Variants in INSYN2A observed in about 807,000 individuals in gnomAD.
The protein encoded by INSYN2A is family with sequence similarity 196 member A.
A neutral mutation model predicts 39.4 loss-of-function variants in INSYN2A; 17 were observed. The ratio of observed to expected loss-of-function variants is 0.43; its 90% CI spans 0.30 to 0.65. The LOEUF (loss-of-function observed/expected upper bound fraction) is 0.65. INSYN2A is among the 30% of genes least tolerant of loss of function. The probability of loss-of-function intolerance (pLI) is 0.14; values close to 1 mark genes in which losing one functional copy is unlikely to be tolerated. For synonymous variants in INSYN2A, 255 were observed against 265.7 expected (o/e 0.96, Z 0.39); for missense variants, 595 against 631.2 (o/e 0.94, Z 0.61).
chr10:127,173,747 C>G (rs554917099), intron 4 of INSYN2A, among the ~76,000 whole-genome samples: 1 of 152,270 alleles, frequency 6.6e-6, no homozygotes, highest in African/African-American at 2.4e-5. Context: ...TCCCCCACCC[C>G]ACGCCTGATG....
intron 1 of INSYN2A, among the ~76,000 whole-genome samples, chr10:127,195,157 C>T (rs2057020154): frequency 6.6e-6 from 1 of 152,196 alleles, no homozygotes; most frequent in Non-Finnish European, 1.5e-5. Flanking sequence ...TTTATCCAAG[C>T]AGTGGGGACA....
chr10:127,195,466 A>C (rs1462018990), intron 1 of INSYN2A, among the ~76,000 whole-genome samples: 1 of 151,690 alleles, frequency 6.6e-6, no homozygotes, highest in South Asian at 2.1e-4. Context: ...ATCTGCCTTC[A>C]CTGCTGCTCG....
chr10:127,153,794 G>C, intron 5 of INSYN2A, 58 bp downstream of exon 5: 1 of 1,343,268 alleles, frequency 7.4e-7, no homozygotes, highest in East Asian at 2.3e-5. Context: ...TGCATTTGTG[G>C]GTAAACATCA....
rs900832440 is a variant in INSYN2A, at chr10:127,137,168, G to A, written c.*669C>T. ...CTGCTGGCCATTTGGAAAATGAGCAGTAAACATGTCGTAAGTCTGGAGATG... is the reference window on the plus strand; with the variant it reads ...CTGCTGGCCATTTGGAAAATGAGCAATAAACATGTCGTAAGTCTGGAGATG... On this transcript the variant is annotated 3_prime_UTR_variant, in exon 6 of 6. Transcript: ENST00000522781. 6.5e-6 allele frequency: 1 copy of A among 152,682 alleles called. No individual in the cohort carries two copies. Among genetic ancestry groups the A allele is most frequent in the African/African-American group, 2.4e-5 (1 of 41,460 alleles). 9.5% of individuals were successfully genotyped at this position (152,682 alleles called of 1,614,324 possible). A position where few individuals can be genotyped will look rare whatever the true frequency, so the allele number is the denominator to read the frequency against.
intron 4 of INSYN2A, among the ~76,000 whole-genome samples, chr10:127,162,766 TC>T (rs2053699707): frequency 1.3e-5 from 2 of 152,202 alleles, no homozygotes; most frequent in African/African-American, 4.8e-5. Flanking sequence ...CGAGCCGGCC[TC>T]CCCAGGCCTG....
At position 127,137,694 on chromosome 10, in the gene INSYN2A, G is replaced by A; in HGVS notation, c.*143C>T. ...TCTGTTAATTATCTATTGGTACAAA[G>A]GCCTTTTTGGTACGCAGGGCGAGAA... On this transcript the variant is annotated 3_prime_UTR_variant, in exon 6 of 6. Coordinates refer to ENST00000522781, the MANE Select transcript of INSYN2A (RefSeq NM_001039762.3). 1 of 681,828 alleles carries A rather than the reference G, an allele frequency of 1.5e-6. No individual in the cohort carries two copies. The highest frequency in any genetic ancestry group is 2.4e-6 in the Non-Finnish European group (1 of 408,850). The allele number at this position is 681,828 out of a possible 1,614,324, so 42.2% of individuals were successfully genotyped here.
chr10:127,150,473 T>G (rs1318030457), intron 5 of INSYN2A, among the ~76,000 whole-genome samples: 1 of 152,188 alleles, frequency 6.6e-6, no homozygotes, highest in Non-Finnish European at 1.5e-5. Flanking sequence ...TTAGCTGATG[T>G]GCTAGATTAA....
chr10:127,170,340 C>T (rs1019140211), intron 4 of INSYN2A, among the ~76,000 whole-genome samples: 7 of 152,200 alleles, frequency 4.6e-5, no homozygotes, highest in South Asian at 2.1e-4. Flanking sequence ...TGCTCTCTCC[C>T]CCTACCCCAA....
Position 127,196,144 on chromosome 10 carries a change from C to T in INSYN2A, c.-542G>A, listed in dbSNP as rs1466339994. ...CGCCGCGCTCACGCGGAGGAAGCCTCGGCTCCGGGGACTTGGCCCGCTGCG... is the reference window on the plus strand; with the variant it reads ...CGCCGCGCTCACGCGGAGGAAGCCTTGGCTCCGGGGACTTGGCCCGCTGCG... On this transcript the variant is annotated 5_prime_UTR_variant, in exon 1 of 6. Transcript: ENST00000522781. 2 of 151,748 alleles carry T rather than the reference C, an allele frequency of 1.3e-5. No homozygotes were observed. The highest frequency in any genetic ancestry group is 6.6e-5 in the Admixed American group (1 of 15,226). The allele number at this position is 151,748 out of a possible 1,614,324, so 9.4% of individuals were successfully genotyped here.
intron 5 of INSYN2A, among the ~76,000 whole-genome samples, chr10:127,148,108 G>A (rs1471963048): frequency 6.6e-6 from 1 of 151,834 alleles, no homozygotes. Context: ...GTGAAAGCAT[G>A]GAGTACACAG....
At chr10:127,142,941 A>G (rs538857904) in intron 5 of INSYN2A, among the ~76,000 whole-genome samples, 4 of 152,292 alleles carry the variant, frequency 2.6e-5, no homozygotes, top group African/African-American at 9.6e-5. Flanking sequence ...AATCTGCCCT[A>G]CATCTCAGGC....
chr10:127,184,019 A>C (rs979984798), intron 2 of INSYN2A, among the ~76,000 whole-genome samples: 4 of 152,276 alleles, frequency 2.6e-5, no homozygotes, highest in Middle Eastern at 3.4e-3. Flanking sequence ...TTGTGCATGA[A>C]AAACTTGGCA....
At chr10:127,156,512 T>C (rs1224091144) in intron 4 of INSYN2A, among the ~76,000 whole-genome samples, 2 of 151,828 alleles carry the variant, frequency 1.3e-5, no homozygotes, top group African/African-American at 4.8e-5. Flanking sequence ...TTTCTTCTCT[T>C]TTCTTTACTT....
At chr10:127,183,707 G>A (rs938551579) in intron 2 of INSYN2A, among the ~76,000 whole-genome samples, 2 of 152,258 alleles carry the variant, frequency 1.3e-5, no homozygotes, top group Non-Finnish European at 2.9e-5. Flanking sequence ...TGCACAGAGC[G>A]AAATTTTAGC....
chr10:127,145,138 A>G (rs1592209771), intron 5 of INSYN2A, among the ~76,000 whole-genome samples: 1 of 152,098 alleles, frequency 6.6e-6, no homozygotes, highest in South Asian at 2.1e-4. Context: ...TCTGGAGTGC[A>G]CCTGCGGCTC....
chr10:127,186,954 A>G (rs1311264798), intron 2 of INSYN2A, among the ~76,000 whole-genome samples: 3 of 152,176 alleles, frequency 2.0e-5, no homozygotes, highest in Non-Finnish European at 2.9e-5. Context: ...TCCTTGAATC[A>G]GGCACATAGA....
rs1012798302 is a variant in INSYN2A at position 127,136,128 on chromosome 10, A to G, written c.*1709T>C. ...TGTGTGCACATGTGTGTTTTAAATT[A>G]AAGCATACAACTGCAGTGTTGTTTG... On this transcript the variant is annotated 3_prime_UTR_variant, in exon 6 of 6. Transcript: ENST00000522781. 6.6e-6 allele frequency: 1 copy of G among 152,298 alleles called. No individual in the cohort carries two copies. Among genetic ancestry groups the G allele is most frequent in the African/African-American group, 2.4e-5 (1 of 41,438 alleles). 9.4% of individuals were successfully genotyped at this position (152,298 alleles called of 1,614,324 possible). A position where few individuals can be genotyped will look rare whatever the true frequency, so the allele number is the denominator to read the frequency against.
At chr10:127,190,112 T>G (rs1464903047) in intron 2 of INSYN2A, among the ~76,000 whole-genome samples, 1 of 152,226 alleles carries the variant, frequency 6.6e-6, no homozygotes, top group African/African-American at 2.4e-5. Context: ...TCTCCTTATT[T>G]GCTTCTTTTA....
intron 2 of INSYN2A, among the ~76,000 whole-genome samples, chr10:127,192,145 CTTCTT>C (rs1454800082): frequency 4.6e-5 from 7 of 152,264 alleles, no homozygotes; most frequent in Non-Finnish European, 7.4e-5. Flanking sequence ...GTAAGACTCT[CTTCTT>C]TTCTTTTTTT....
Sources: gnomAD v4.1 joint callset for allele counts (sites outside exome capture counted in the v4.1 genomes callset) on GRCh38, gnomAD v4.1.1 for gene constraint, MANE v1.5 for transcripts, NCBI Gene and HGNC (gene_info 2026-07-23, HGNC 2026-07-21) for gene names.